Variants in PEX14 observed in about 807,000 individuals in gnomAD.
PEX14 encodes the protein peroxisomal biogenesis factor 14.
Under a neutral mutation model 49.5 loss-of-function variants are expected in PEX14, and 15 were observed. The ratio of observed to expected loss-of-function variants is 0.30; its 90% CI spans 0.20 to 0.47. The LOEUF (loss-of-function observed/expected upper bound fraction) is 0.47. Among genes scored for constraint, PEX14 ranks in the 20% least tolerant of loss-of-function variants. The pLI is 1.00. For missense variants in PEX14, 398 were observed against 494.8 expected, an observed-to-expected ratio of 0.80 and a Z score of 1.86; for synonymous variants, 210 against 212.7, an observed-to-expected ratio of 0.99 and a Z score of 0.11.
chr1:10,523,140 T>G, intron 2 of PEX14, among the ~76,000 whole-genome samples: 1 of 152,216 alleles, frequency 6.6e-6, no homozygotes, highest in South Asian at 2.1e-4. Flanking sequence ...TTTTTTTTGC[T>G]GTCACATCTT....
intron 7 of PEX14, among the ~76,000 whole-genome samples, chr1:10,626,881 G>A (rs1641763357): frequency 1.3e-5 from 2 of 152,228 alleles, no homozygotes; most frequent in Admixed American, 6.5e-5. Flanking sequence ...AAGGGGAAAG[G>A]TGTGCATGGA....
chr1:10,609,505 C>T (rs1641215911), intron 4 of PEX14, among the ~76,000 whole-genome samples: 2 of 152,256 alleles, frequency 1.3e-5, no homozygotes, highest in South Asian at 2.1e-4. Context: ...TGCTTTGTGC[C>T]CTTTATGTCG....
chr1:10,603,862 C>G (rs1641055549), intron 4 of PEX14, among the ~76,000 whole-genome samples: 1 of 152,306 alleles, frequency 6.6e-6, no homozygotes, highest in South Asian at 2.1e-4. Flanking sequence ...AAAGACTGAC[C>G]TAGAGCTTCA....
chr1:10,586,137 C>A (rs1485786021), intron 3 of PEX14, among the ~76,000 whole-genome samples: 1 of 152,194 alleles, frequency 6.6e-6, no homozygotes, highest in Non-Finnish European at 1.5e-5. Context: ...ACAAAGCAAT[C>A]CAGATTCTAA....
chr1:10,481,269 C>T (rs1641279528), intron 1 of PEX14, among the ~76,000 whole-genome samples: 1 of 151,838 alleles, frequency 6.6e-6, no homozygotes, highest in Non-Finnish European at 1.5e-5. Context: ...TCCCAAGTAG[C>T]TGGAATTACA....
At chr1:10,563,506 T>A (rs1557846797) in intron 3 of PEX14, among the ~76,000 whole-genome samples, 1 of 152,130 alleles carries the variant, frequency 6.6e-6, no homozygotes, top group Non-Finnish European at 1.5e-5. Flanking sequence ...GGCACATGCC[T>A]GTCAGCTACT....
intron 3 of PEX14, among the ~76,000 whole-genome samples, chr1:10,566,748 C>A (rs1227655373): frequency 6.6e-6 from 1 of 152,066 alleles, no homozygotes; most frequent in African/African-American, 2.4e-5. Flanking sequence ...AACTCCCGAC[C>A]TCAGGTGATC....
At chr1:10,540,529 C>T (rs1053575460) in intron 3 of PEX14, among the ~76,000 whole-genome samples, 2 of 147,480 alleles carry the variant, frequency 1.4e-5, no homozygotes, top group South Asian at 2.2e-4. Context: ...GCCAGGTTAT[C>T]GACTGGACAG....
rs907549104 is a variant in PEX14, at chr1:10,630,256, C to G, written c.*269C>G. The G allele has an allele frequency of 6.9e-6, 4 of 576,500 alleles. No homozygotes were observed. The East Asian group carries it at 1.2e-4, about 17-fold the overall frequency. The allele number at this position is 576,500 out of a possible 1,614,324, so 35.7% of individuals were successfully genotyped here. A position where few individuals can be genotyped will look rare whatever the true frequency, so the allele number is the denominator to read the frequency against. Reference sequence around the variant, plus strand: ...TGATCTCAAGTCAGGCTGAAGGCAGCGAAGCCTCGGGGCCCAAGCCCCTCC... The same window carrying G: ...TGATCTCAAGTCAGGCTGAAGGCAGGGAAGCCTCGGGGCCCAAGCCCCTCC... On this transcript the variant is annotated 3_prime_UTR_variant, in exon 9 of 9. Coordinates refer to ENST00000356607, the MANE Select transcript of PEX14 (RefSeq NM_004565.3). The surrounding 1 kb of genome is among the most constrained non-coding windows in gnomAD (Gnocchi z 4.1).
rs372035480 is a variant in PEX14 at position 10,629,909 on chromosome 1, C to T, written c.1056C>T (p.Gly352=). ...CLGVQREDRR[G]GDGQINEQVE... ...GGGTGCAGAGGGAGGACCGCCGGGG[C>T]GGGGATGGGCAGATCAACGAGCAGG... The change falls in exon 9 of 9, where the codon GGC becomes GGT. Residue 352 remains glycine, a synonymous_variant. Transcript: ENST00000356607. This position sits in a 1 kb window ranked among gnomAD's most constrained non-coding sequence, Gnocchi z 8.5. 5.0e-6 allele frequency: 8 copies of T among 1,613,062 alleles called. No homozygotes were observed. Among genetic ancestry groups the T allele is most frequent in the South Asian group, 2.2e-5 (2 of 91,040 alleles).
intron 3 of PEX14, among the ~76,000 whole-genome samples, chr1:10,562,141 C>T (rs1303343427): frequency 2.0e-5 from 3 of 152,198 alleles, no homozygotes; most frequent in Non-Finnish European, 4.4e-5. Context: ...TTCATCTCCC[C>T]TGCGCACTGC....
chr1:10,486,477 C>T (rs1455739803), intron 1 of PEX14, among the ~76,000 whole-genome samples: 3 of 150,504 alleles, frequency 2.0e-5, no homozygotes, highest in Non-Finnish European at 4.4e-5. Flanking sequence ...GCCAGGAGTT[C>T]GAGACCAGCC....
intron 2 of PEX14, among the ~76,000 whole-genome samples, chr1:10,518,740 C>T (rs956439994): frequency 6.6e-6 from 1 of 152,218 alleles, no homozygotes; most frequent in African/African-American, 2.4e-5. Context: ...CAGTTGCCTG[C>T]ATGGTGCTTC....
intron 1 of PEX14, among the ~76,000 whole-genome samples, chr1:10,483,295 A>G (rs1641313778): frequency 6.6e-6 from 1 of 152,142 alleles, no homozygotes; most frequent in African/African-American, 2.4e-5. Context: ...TGCTAGGATT[A>G]CAGGTGTGAA....
At chr1:10,617,331 C>G (rs1019757739) in intron 4 of PEX14, among the ~76,000 whole-genome samples, 1 of 152,082 alleles carries the variant, frequency 6.6e-6, no homozygotes, top group African/African-American at 2.4e-5. Flanking sequence ...CACTTCTGAC[C>G]ACCCTCAGAG....
intron 1 of PEX14, among the ~76,000 whole-genome samples, chr1:10,487,002 TA>T (rs542545046): frequency 6.4e-4 from 94 of 147,492 alleles, no homozygotes; most frequent in South Asian, 4.1e-3. Context: ...CTCTGTCTCT[TA>T]AAAAAAAAAA....
rs1641551052 is a variant in PEX14, at chr1:10,495,827, A to G, written c.84+506A>G. Reference sequence around the variant, plus strand: ...AGGGAAGAGGCCTATTAAGCACTGCAGGTAATTTTCTCTCCCAAGTGCTTT... The same window carrying G: ...AGGGAAGAGGCCTATTAAGCACTGCGGGTAATTTTCTCTCCCAAGTGCTTT... On this transcript the variant is annotated intron_variant, in intron 2 of 8. Transcript: ENST00000356607. The surrounding 1 kb of genome is among the most constrained non-coding windows in gnomAD (Gnocchi z 4.2). 6.6e-6 allele frequency among the ~76,000 whole-genome samples: 1 copy of G among 152,204 alleles called. No homozygotes were observed. The highest frequency in any genetic ancestry group is 1.5e-5 in the Non-Finnish European group (1 of 68,036).
intron 1 of PEX14, among the ~76,000 whole-genome samples, chr1:10,475,281 T>C (rs889411885): frequency 5.3e-5 from 8 of 151,954 alleles, no homozygotes; most frequent in Non-Finnish European, 2.9e-5. Context: ...CCACTTGAGC[T>C]TGTTGGGGAG....
intron 3 of PEX14, among the ~76,000 whole-genome samples, chr1:10,549,340 C>T (rs1013899982): frequency 1.6e-4 from 24 of 152,228 alleles, no homozygotes; most frequent in African/African-American, 4.1e-4. Flanking sequence ...AAGTCACACG[C>T]GGAATTGTGA....
Sources: allele counts gnomAD v4.1 joint callset (sites outside exome capture counted in the v4.1 genomes callset), GRCh38; gene constraint gnomAD v4.1.1; non-coding constraint Gnocchi (gnomAD v3.1); transcripts MANE v1.5; gene names NCBI Gene and HGNC (gene_info 2026-07-23, HGNC 2026-07-21).